MIGA1: variants seen among roughly 807,000 people sequenced by gnomAD.
The protein encoded by MIGA1 is family with sequence similarity 73, member A.
In MIGA1, 58 loss-of-function variants were observed where a neutral mutation model predicts 82.0. The ratio of observed to expected loss-of-function variants is 0.71; its 90% CI spans 0.57 to 0.88. The LOEUF (loss-of-function observed/expected upper bound fraction) is 0.88, where lower values mean the gene tolerates loss of function less well. Ranked by LOEUF, MIGA1 falls within the 40% of genes least tolerant of loss-of-function variation. The pLI is 0.00. For synonymous variants in MIGA1, 249 were observed against 253.6 expected, an observed-to-expected ratio of 0.98 and a Z score of 0.17; for missense variants, 751 against 749.1, an observed-to-expected ratio of 1.00 and a Z score of -0.03.
intron 14 of MIGA1, among the ~76,000 whole-genome samples, chr1:77,868,918 TC>T (rs989789162): frequency 1.3e-5 from 2 of 150,808 alleles, no homozygotes; most frequent in African/African-American, 4.9e-5. Context: ...TAGCACATTT[TC>T]TTTTTTTTTT....
intron 8 of MIGA1, among the ~76,000 whole-genome samples, chr1:77,845,383 A>T (rs1684798505): frequency 6.6e-6 from 1 of 152,124 alleles, no homozygotes. Context: ...ACTTTTTTCC[A>T]TTGTGAGGAA....
In MIGA1 at chr1:77,819,317, C is replaced by T. The variant is rs552471421; in HGVS notation, c.895+4086C>T. 1.3e-4 allele frequency among the ~76,000 whole-genome samples: 20 copies of T among 152,086 alleles called. No homozygotes were observed. The South Asian group carries it at 4.1e-3, about 32-fold the overall frequency. ...CCCTTTTCCCTTTTTCCTTTTCACT[C>T]TTGTCACCCAGGCTGGAGTGCAGTG... On this transcript the variant is annotated intron_variant, in intron 7 of 15. Transcript: ENST00000370791.
At chr1:77,841,935 A>C (rs1570984237) in intron 7 of MIGA1, among the ~76,000 whole-genome samples, 1 of 147,980 alleles carries the variant, frequency 6.8e-6, no homozygotes. Flanking sequence ...AGCATGTGCC[A>C]CAACACCTGG....
rs1375983502 is a variant in MIGA1 at position 77,873,185 on chromosome 1, C to T, written c.1680+65C>T. Reference sequence around the variant, plus strand: ...ATCAAAAAGGAGATACGGTTTTATTCTGTTTTGTTTTGCTTTTGTAGAAGA... The same window carrying T: ...ATCAAAAAGGAGATACGGTTTTATTTTGTTTTGTTTTGCTTTTGTAGAAGA... On this transcript the variant is annotated intron_variant, in intron 15 of 15. Coordinates refer to ENST00000370791, the MANE Select transcript of MIGA1 (RefSeq NM_198549.4). The T allele has an allele frequency of 2.7e-6, 4 of 1,491,642 alleles. No homozygotes were observed. In the East Asian group the frequency reaches 9.1e-5, roughly 34 times the overall value. 92.4% of individuals were successfully genotyped at this position (1,491,642 alleles called of 1,614,324 possible).
chr1:77,833,920 T>G (rs1684333062), intron 7 of MIGA1, among the ~76,000 whole-genome samples: 1 of 152,264 alleles, frequency 6.6e-6, no homozygotes. Flanking sequence ...GTTACTCACT[T>G]TGCATTGGCA....
In MIGA1 at chr1:77,861,330, C is replaced by T; in HGVS notation, c.1374+8C>T. On this transcript the variant is annotated splice_region_variant and intron_variant, in intron 12 of 15. Coordinates refer to ENST00000370791, the MANE Select transcript of MIGA1 (RefSeq NM_198549.4). ...GAACTTGCTGCTAGAGGGGTAAATT[C>T]AAATTTTTTGTGATATTTATTTTTC... The T allele has an allele frequency of 2.6e-6, 4 of 1,559,550 alleles. No individual in the cohort carries two copies. The highest frequency in any genetic ancestry group is 3.4e-4 in the Middle Eastern group (2 of 5,936).
At chr1:77,821,612 C>T (rs1272197378) in intron 7 of MIGA1, among the ~76,000 whole-genome samples, 1 of 152,066 alleles carries the variant, frequency 6.6e-6, no homozygotes, top group African/African-American at 2.4e-5. Context: ...TCAGGTTGCT[C>T]TTGAGCTCCC....
intron 7 of MIGA1, among the ~76,000 whole-genome samples, chr1:77,829,390 G>T (rs756045051): frequency 7.2e-5 from 11 of 152,214 alleles, no homozygotes; most frequent in Non-Finnish European, 1.3e-4. Context: ...GTTTGAAGCT[G>T]TAGTGAGCTA....
intron 7 of MIGA1, among the ~76,000 whole-genome samples, chr1:77,842,126 G>C (rs1399092774): frequency 6.6e-6 from 1 of 152,066 alleles, no homozygotes; most frequent in African/African-American, 2.4e-5. Context: ...AAATTTGGCA[G>C]ATTCAGAATC....
chr1:77,828,116 A>C (rs1398428642), intron 7 of MIGA1, among the ~76,000 whole-genome samples: 2 of 152,146 alleles, frequency 1.3e-5, no homozygotes, highest in Non-Finnish European at 2.9e-5. Flanking sequence ...TTCCTTTGTG[A>C]CATTGATTAC....
intron 7 of MIGA1, 128 bp from the exon 8 acceptor site, chr1:77,843,179 C>T (rs1236150807): frequency 1.8e-6 from 1 of 566,362 alleles, no homozygotes; most frequent in Non-Finnish European, 3.1e-6. Flanking sequence ...TGGATACTTA[C>T]TGTTTTCTTT....
Position 77,861,261 on chromosome 1 carries a change from T to C in MIGA1, c.1313T>C (p.Ile438Thr), listed in dbSNP as rs376371363. Residue 438 changes from isoleucine to threonine, a missense_variant, in exon 12 of 16, where the codon ATC becomes ACC. This residue lies in a region of MIGA1 where 265 missense variants were observed against 293.6 expected (regional missense o/e 0.90). Coordinates refer to ENST00000370791, the MANE Select transcript of MIGA1 (RefSeq NM_198549.4). Reference sequence around the variant, plus strand: ...TTTGAAGATGTTTTTGATGAAATGATCTATTTTTTAGAGCAGACCGATCAC... The same window carrying C: ...TTTGAAGATGTTTTTGATGAAATGACCTATTTTTTAGAGCAGACCGATCAC... 9.0e-5 allele frequency: 146 copies of C among 1,613,512 alleles called. No homozygotes were observed. Among genetic ancestry groups the C allele is most frequent in the Non-Finnish European group, 1.2e-4 (137 of 1,179,642 alleles).
At chr1:77,828,486 C>T (rs1192367454) in intron 7 of MIGA1, among the ~76,000 whole-genome samples, 2 of 152,008 alleles carry the variant, frequency 1.3e-5, no homozygotes, top group African/African-American at 4.8e-5. Flanking sequence ...AGGTTTTTTG[C>T]AATAAATTTA....
chr1:77,825,673 C>CTACAGATACTATTG lies in MIGA1; in HGVS notation c.895+10444_895+10445insCAGATACTATTGTA, dbSNP rs575468114. 7.2e-4 allele frequency among the ~76,000 whole-genome samples: 110 copies of CTACAGATACTATTG among 152,272 alleles called. 2 individuals carry two copies. In the Middle Eastern group the frequency reaches 0.027, roughly 38 times the overall value. On this transcript the variant is annotated intron_variant, in intron 7 of 15. Transcript: ENST00000370791. ...TCCATTATTGTGCAAGTTCTTCTAG[C>CTACAGATACTATTG]TAAAAGTATCTGGAAGTGTTATGTT... is the stretch of plus-strand genomic sequence containing the variant.
At chr1:77,870,410 T>G (rs1685915864) in intron 14 of MIGA1, among the ~76,000 whole-genome samples, 4 of 95,338 alleles carry the variant, frequency 4.2e-5, no homozygotes, top group Admixed American at 9.8e-5. Context: ...CAGACAGGGT[T>G]GCGGCCCAGC....
Position 77,845,937 on chromosome 1 carries a change from G to T in MIGA1, c.996+2530G>T, listed in dbSNP as rs560738154. Among the ~76,000 whole-genome samples, 36 of 151,044 alleles carry T rather than the reference G, an allele frequency of 2.4e-4. No individual in the cohort carries two copies. The South Asian group carries it at 6.9e-3, about 29-fold the overall frequency. ...TTGCCAAACATTGGTTTGGAACCAC[G>T]GATGAAAAGCTTTTTTTTTTTTTTT... On this transcript the variant is annotated intron_variant, in intron 8 of 15. Transcript: ENST00000370791.
intron 4 of MIGA1, 127 bp downstream of exon 4, chr1:77,803,533 C>A: frequency 2.4e-6 from 1 of 425,474 alleles, no homozygotes; most frequent in Non-Finnish European, 4.0e-6. Context: ...TCTGAATGTG[C>A]TTTCTTTAGG....
intron 8 of MIGA1, among the ~76,000 whole-genome samples, chr1:77,844,576 A>C (rs1273204031): frequency 6.6e-6 from 1 of 152,168 alleles, no homozygotes; most frequent in African/African-American, 2.4e-5. Context: ...TTTGTACTTA[A>C]AACAGCTTTA....
intron 13 of MIGA1, 53 bp downstream of exon 13, chr1:77,864,081 C>T: frequency 6.3e-7 from 1 of 1,579,486 alleles, no homozygotes; most frequent in Non-Finnish European, 8.6e-7. Flanking sequence ...AAAAGTGAGG[C>T]TGGGCGCAGT....
Sources: allele counts gnomAD v4.1 joint callset (sites outside exome capture counted in the v4.1 genomes callset), GRCh38; gene constraint gnomAD v4.1.1; regional missense constraint gnomAD v4.1.1; transcripts MANE v1.5; gene names NCBI Gene and HGNC (gene_info 2026-07-23, HGNC 2026-07-21).